NLRP11: variants seen among roughly 807,000 people sequenced by gnomAD.
The protein encoded by NLRP11 is NLR family pyrin domain containing 11.
Under a neutral mutation model 79.3 loss-of-function variants are expected in NLRP11, and 53 were observed. The observed-to-expected ratio is 0.67, with a 90% CI of 0.54 to 0.84. NLRP11 has a LOEUF of 0.84. Ranked by LOEUF, NLRP11 falls within the 40% of genes least tolerant of loss-of-function variation. The pLI, the probability that NLRP11 is intolerant of heterozygous loss-of-function variation, is 0.00. For missense variants in NLRP11, 1,264 were observed against 1,255.0 expected, an observed-to-expected ratio of 1.01 and a Z score of -0.11; for synonymous variants, 518 against 462.6, an observed-to-expected ratio of 1.12 and a Z score of -1.54.
At position 55,809,329 on chromosome 19, in the gene NLRP11, G is replaced by A. The variant is rs1980345076; in HGVS notation, c.1281C>T (p.Val427=). The change falls in exon 3 of 10, where the codon GTC becomes GTT. Residue 427 remains valine, a synonymous_variant. Transcript: ENST00000589093. The surrounding 1 kb of genome is among the most constrained non-coding windows in gnomAD (Gnocchi z 4.5). ...GAATATTCGCGGCCTGCAACACAGA[G>A]ACATCAGCCTCAGTAAACCCAACAC... 1.2e-6 allele frequency: 2 copies of A among 1,613,972 alleles called. No homozygotes were observed. Among genetic ancestry groups the A allele is most frequent in the African/African-American group, 1.3e-5 (1 of 74,910 alleles).
At chr19:55,833,609 A>AT, upstream of NLRP11, among the ~76,000 whole-genome samples, 1 of 151,854 alleles carries the variant, frequency 6.6e-6, no homozygotes, top group East Asian at 1.9e-4. Context: ...TACCAAAAAT[A>AT]TAAAAAAATT....
chr19:55,809,395 C>G lies in NLRP11; in HGVS notation c.1215G>C (p.Leu405=). The G allele has an allele frequency of 1.2e-6, 2 of 1,614,152 alleles. No individual in the cohort carries two copies. Among genetic ancestry groups the G allele is most frequent in the South Asian group, 1.1e-5 (1 of 91,086 alleles). Residue 405 remains leucine (L), a synonymous_variant, in exon 3 of 10, where the codon CTG becomes CTC. Transcript: ENST00000589093. This position sits in a 1 kb window ranked among gnomAD's most constrained non-coding sequence, Gnocchi z 4.5. ...CACTGAAATTCAGGGTGCTCAGAAACAGTCCTCCTGCAGCCAGCAAACACA... is the reference window on the plus strand; with the variant it reads ...CACTGAAATTCAGGGTGCTCAGAAAGAGTCCTCCTGCAGCCAGCAAACACA...
chr19:55,801,533 C>T (rs750970662), intron 5 of NLRP11, 39 bp downstream of exon 5: 4 of 1,578,164 alleles, frequency 2.5e-6, no homozygotes, highest in South Asian at 1.1e-5. Flanking sequence ...CAGGCATTCC[C>T]CTCACATGCA....
At chr19:55,827,573 AAAAC>A (rs1373833791) in intron 1 of NLRP11, among the ~76,000 whole-genome samples, 4 of 149,874 alleles carry the variant, frequency 2.7e-5, no homozygotes, top group East Asian at 4.1e-4. Flanking sequence ...TTACAAGAAA[AAAAC>A]AAACAACCCC....
At chr19:55,820,212 C>T (rs1356479593) in intron 1 of NLRP11, among the ~76,000 whole-genome samples, 1 of 152,100 alleles carries the variant, frequency 6.6e-6, no homozygotes, top group Non-Finnish European at 1.5e-5. Flanking sequence ...CATGGTTGAG[C>T]TGGCAGAAAA....
At chr19:55,810,898 C>G (rs1195228153) in intron 2 of NLRP11, among the ~76,000 whole-genome samples, 4 of 152,188 alleles carry the variant, frequency 2.6e-5, no homozygotes, top group Admixed American at 2.6e-4. Context: ...TCAAGGGCTT[C>G]CCTCTCATGT....
chr19:55,795,296 G>T (rs1363359451), intron 6 of NLRP11, among the ~76,000 whole-genome samples: 1 of 151,888 alleles, frequency 6.6e-6, no homozygotes, highest in Non-Finnish European at 1.5e-5. Flanking sequence ...GAGACTCAGG[G>T]GAAAAAATCC....
intron 6 of NLRP11, among the ~76,000 whole-genome samples, chr19:55,795,841 G>A (rs1302099483): frequency 6.6e-6 from 1 of 152,044 alleles, no homozygotes; most frequent in African/African-American, 2.4e-5. Flanking sequence ...GTCATGTTAT[G>A]ACTCCACTGT....
In NLRP11 at chr19:55,785,533, ACACAC is replaced by A. The variant is rs1989815258; in HGVS notation, c.*87_*91del. 9 of 1,153,624 alleles carry A rather than the reference ACACAC, an allele frequency of 7.8e-6. No individual in the cohort carries two copies. In the Admixed American group the frequency reaches 1.0e-4, roughly 13 times the overall value. 71.5% of individuals were successfully genotyped at this position (1,153,624 alleles called of 1,614,324 possible). A position where few individuals can be genotyped will look rare whatever the true frequency, so the allele number is the denominator to read the frequency against. ...CACACACACACACACACACACACACACACACATCAAATAGGAAAATTATAGTCCTA... is the reference window on the plus strand; with the variant it reads ...CACACACACACACACACACACACACAATCAAATAGGAAAATTATAGTCCTA... On this transcript the variant is annotated 3_prime_UTR_variant, in exon 10 of 10. Coordinates refer to ENST00000589093, the Ensembl canonical transcript of NLRP11.
exon 10 of NLRP11, chr19:55,785,493 TCACA>T (rs878891245): frequency 0.065 from 27,286 of 418,774 alleles, 148 homozygotes; most frequent in East Asian, 0.098. Context: ...TGGATCAAGG[TCACA>T]CACACACACA....
At chr19:55,803,569 C>T (rs1017940283) in intron 4 of NLRP11, among the ~76,000 whole-genome samples, 8 of 152,106 alleles carry the variant, frequency 5.3e-5, no homozygotes, top group African/African-American at 7.2e-5. Context: ...ATCTGACAAA[C>T]GTCTAATACC....
chr19:55,833,248 T>C (rs1982949542), upstream of NLRP11, among the ~76,000 whole-genome samples: 1 of 152,198 alleles, frequency 6.6e-6, no homozygotes. Flanking sequence ...ATTATTATTA[T>C]GAAGATGTTA....
chr19:55,816,434 A>G (rs1424002532), intron 2 of NLRP11, among the ~76,000 whole-genome samples: 2 of 152,240 alleles, frequency 1.3e-5, no homozygotes, highest in African/African-American at 2.4e-5. Context: ...TGTAGACTTC[A>G]ACATCCCATT....
chr19:55,792,308 C>T (rs777001404), exon 7 of NLRP11: 8 of 1,613,878 alleles, frequency 5.0e-6, no homozygotes, highest in Non-Finnish European at 6.8e-6. Context: ...TACTGAAGCT[C>T]CTCTAACTGA....
upstream of NLRP11, among the ~76,000 whole-genome samples, chr19:55,834,820 C>G (rs1306806494): frequency 3.4e-4 from 51 of 152,114 alleles, 1 homozygote; most frequent in South Asian, 2.1e-4. Context: ...ATTGATTAAT[C>G]TCAAAAACAT....
intron 4 of NLRP11, among the ~76,000 whole-genome samples, chr19:55,807,546 CAAGA>C (rs781620949): frequency 1.5e-4 from 23 of 152,136 alleles, no homozygotes; most frequent in Admixed American, 3.9e-4. Flanking sequence ...AGAAGTGATA[CAAGA>C]AAGAGTTTTG....
At chr19:55,785,606 C>G in exon 10 of NLRP11, 3 of 1,593,412 alleles carry the variant, frequency 1.9e-6, no homozygotes, top group African/African-American at 2.7e-5. Context: ...ATAATAAATA[C>G]TGTTTACGTA....
chr19:55,794,766 A>T (rs1318041116), intron 6 of NLRP11, among the ~76,000 whole-genome samples: 1 of 152,238 alleles, frequency 6.6e-6, no homozygotes, highest in Non-Finnish European at 1.5e-5. Context: ...TCTCAAAAAA[A>T]AAAAATAAAT....
Position 55,809,863 on chromosome 19 carries a change from G to T in NLRP11, c.747C>A (p.Ser249Arg). The T allele has an allele frequency of 6.2e-7, 1 of 1,614,196 alleles. No homozygotes were observed. Among genetic ancestry groups the T allele is most frequent in the South Asian group, 1.1e-5 (1 of 91,078 alleles). ...GAACTGGAATGGGAACTTTCTGGGTGCTGTTACTACACAAAGCACTTTCAT... is the reference window on the plus strand; with the variant it reads ...GAACTGGAATGGGAACTTTCTGGGTTCTGTTACTACACAAAGCACTTTCAT... Residue 249 changes from serine (S) to arginine (R), a missense_variant, in exon 3 of 10, where the codon AGC (serine) becomes AGA (arginine). Coordinates refer to ENST00000589093, the Ensembl canonical transcript of NLRP11. This position sits in a 1 kb window ranked among gnomAD's most constrained non-coding sequence, Gnocchi z 4.5.
Sources: gnomAD v4.1 joint callset for allele counts (sites outside exome capture counted in the v4.1 genomes callset) on GRCh38, gnomAD v4.1.1 for gene constraint, Gnocchi (gnomAD v3.1) non-coding constraint, MANE v1.5 for transcripts, NCBI Gene and HGNC (gene_info 2026-07-23, HGNC 2026-07-21) for gene names.